MAP3K19: variants seen among roughly 807,000 people sequenced by gnomAD.
MAP3K19 encodes mitogen-activated protein kinase kinase kinase 19.
Under a neutral mutation model 114.4 loss-of-function variants are expected in MAP3K19, and 91 were observed. The ratio of observed to expected loss-of-function variants is 0.80; its 90% confidence interval spans 0.67 to 0.95. MAP3K19 has a LOEUF of 0.95. Ranked by LOEUF, MAP3K19 falls within the 40% of genes least tolerant of loss-of-function variation. The pLI, the probability that MAP3K19 is intolerant of heterozygous loss-of-function variation, is 0.00. For missense variants in MAP3K19, 1,471 were observed against 1,573.2 expected (o/e 0.94, Z 1.10); for synonymous variants, 518 against 530.5 (o/e 0.98, Z 0.32).
At chr2:134,964,966 G>T in intron 12 of MAP3K19, 50 bp from the exon 13 acceptor site, 1 of 1,328,200 alleles carries the variant, frequency 7.5e-7, no homozygotes, top group Non-Finnish European at 1.1e-6. Flanking sequence ...TAATGAGACT[G>T]CCAATGTAGA....
chr2:135,044,356 C>T lies in MAP3K19; in HGVS notation c.-424+2829G>A, dbSNP rs144522199. ...TTGTAATCCCAGCACTTTGGGAGGC[C>T]GATGTGGGTGGATCACCCGAGGTCA... On this transcript the variant is annotated intron_variant, in intron 1 of 12. Transcript: ENST00000392915. 1.0e-2 allele frequency among the ~76,000 whole-genome samples: 1,520 copies of T among 152,216 alleles called. 22 individuals carry two copies. Among genetic ancestry groups the T allele is most frequent in the African/African-American group, 0.035 (1,446 of 41,520 alleles).
chr2:135,030,235 A>T (rs181639454), intron 3 of MAP3K19, 77 bp downstream of exon 3: 1 of 152,642 alleles, frequency 6.6e-6, no homozygotes, highest in East Asian at 1.9e-4. Flanking sequence ...ATTTTTCTTT[A>T]AAAGGAGTCA....
intron 6 of MAP3K19, among the ~76,000 whole-genome samples, chr2:135,002,946 C>T (rs544369153): frequency 2.0e-5 from 3 of 152,150 alleles, no homozygotes; most frequent in Non-Finnish European, 2.9e-5. Flanking sequence ...TATGTTGAAG[C>T]CCTAACCCCC....
At chr2:135,046,558 G>A (rs1384305620) in intron 1 of MAP3K19, among the ~76,000 whole-genome samples, 1 of 152,208 alleles carries the variant, frequency 6.6e-6, no homozygotes, top group East Asian at 1.9e-4. Flanking sequence ...TTACGGGCAT[G>A]AGCCACCATG....
intron 5 of MAP3K19, among the ~76,000 whole-genome samples, chr2:135,007,942 GA>G (rs1313996879): frequency 6.6e-6 from 1 of 152,050 alleles, no homozygotes; most frequent in East Asian, 1.9e-4. Context: ...GTTAACACAG[GA>G]ATCATATTTT....
intron 8 of MAP3K19, among the ~76,000 whole-genome samples, chr2:134,996,923 C>T (rs1390213284): frequency 6.6e-6 from 1 of 152,052 alleles, no homozygotes; most frequent in African/African-American, 2.4e-5. Context: ...GTGGCATGCA[C>T]CTGTAGTCCC....
intron 11 of MAP3K19, among the ~76,000 whole-genome samples, chr2:134,982,377 G>A (rs1333541894): frequency 1.4e-5 from 2 of 140,888 alleles, no homozygotes; most frequent in Non-Finnish European, 1.6e-5. Context: ...TTGGAGACAG[G>A]GTCTCGCTCT....
chr2:134,968,754 C>T (rs1215751652), intron 12 of MAP3K19, among the ~76,000 whole-genome samples: 1 of 151,062 alleles, frequency 6.6e-6, no homozygotes, highest in Non-Finnish European at 1.5e-5. Flanking sequence ...AGACGATGGG[C>T]GGCCGGGCAG....
At position 134,991,647 on chromosome 2, in the gene MAP3K19, C is replaced by T. The variant is rs1199520222; in HGVS notation, c.575-67G>A. ...AAAGAAAACAGTCTCAAGCCAGAGT[C>T]TGGGGATGGAGTAATACAGATGCTA... On this transcript the variant is annotated intron_variant, in intron 8 of 12. Transcript: ENST00000392915. 4 of 1,332,874 alleles carry T rather than the reference C, an allele frequency of 3.0e-6. No individual in the cohort carries two copies. In the East Asian group the frequency reaches 9.2e-5, roughly 31 times the overall value. 82.6% of individuals were successfully genotyped at this position (1,332,874 alleles called of 1,614,324 possible). A position where few individuals can be genotyped will look rare whatever the true frequency, so the allele number is the denominator to read the frequency against.
rs1320789021 is a variant in MAP3K19 at position 134,997,820 on chromosome 2, A to AAATAAAAAAAAAAAAC, written c.574+917_574+918insGTTTTTTTTTTTTATT. Among the ~76,000 whole-genome samples the AAATAAAAAAAAAAAAC allele has an allele frequency of 4.0e-5, 6 of 148,418 alleles. 1 individual carries two copies. The East Asian group carries it at 9.1e-4, about 22-fold the overall frequency. ...GTGACAGAGCGAGACTCCGTCTCAA[A>AAATAAAAAAAAAAAAC]AAAAAAAAAACTTTAAGCACTGCTT... On this transcript the variant is annotated intron_variant, in intron 8 of 12. Transcript: ENST00000392915.
rs763054558 is a variant in MAP3K19, at chr2:135,021,669, T to C, written c.138+46A>G. ...TATTCAAGCAACACAAATAAAGTAG[T>C]AGATGGAGTAGGCTGTCCGTTGTTT... is the stretch of plus-strand genomic sequence containing the variant. On this transcript the variant is annotated intron_variant, in intron 5 of 12. Coordinates refer to ENST00000392915, the MANE Select transcript of MAP3K19 (RefSeq NM_025052.5). 11 of 1,010,464 alleles carry C rather than the reference T, an allele frequency of 1.1e-5. No individual in the cohort carries two copies. In the East Asian group the frequency reaches 2.2e-4, roughly 20 times the overall value. 62.6% of individuals were successfully genotyped at this position (1,010,464 alleles called of 1,614,324 possible).
intron 11 of MAP3K19, among the ~76,000 whole-genome samples, chr2:134,981,880 CTTTTTTTTTT>C (rs567597251): frequency 6.4e-5 from 8 of 124,508 alleles, no homozygotes; most frequent in African/African-American, 1.8e-4. Context: ...GATTTCTTTT[CTTTTTTTTTT>C]TTTTTTTTTT....
At chr2:135,021,871 T>C (rs1305091445) in intron 4 of MAP3K19, 41 bp from the exon 5 acceptor site, 2 of 1,249,556 alleles carry the variant, frequency 1.6e-6, no homozygotes, top group Non-Finnish European at 2.3e-6. Flanking sequence ...ATAAGATTCA[T>C]CTCCAGCAAT....
intron 3 of MAP3K19, among the ~76,000 whole-genome samples, chr2:135,028,637 T>C (rs1458703376): frequency 6.6e-6 from 1 of 152,176 alleles, no homozygotes; most frequent in Non-Finnish European, 1.5e-5. Context: ...CATATGAATG[T>C]AATTTGATGC....
Position 135,030,449 on chromosome 2 carries a change from T to C in MAP3K19, c.-232A>G, listed in dbSNP as rs1688353970. 6.6e-6 allele frequency: 1 copy of C among 152,662 alleles called. No individual in the cohort carries two copies. Among genetic ancestry groups the C allele is most frequent in the Non-Finnish European group, 1.5e-5 (1 of 68,042 alleles). The allele number at this position is 152,662 out of a possible 1,614,324, so 9.5% of individuals were successfully genotyped here. A position where few individuals can be genotyped will look rare whatever the true frequency, so the allele number is the denominator to read the frequency against. The stretch of plus-strand genomic sequence containing the variant: ...GCTACATGAATTGCGGTTCGATTGC[T>C]GTAATTGCAAAGGGTGATATCTACT... On this transcript the variant is annotated 5_prime_UTR_variant, in exon 3 of 13. Coordinates refer to ENST00000392915, the MANE Select transcript of MAP3K19 (RefSeq NM_025052.5).
chr2:135,042,482 A>G (rs1688664708), intron 1 of MAP3K19, among the ~76,000 whole-genome samples: 2 of 149,642 alleles, frequency 1.3e-5, no homozygotes, highest in African/African-American at 4.9e-5. Flanking sequence ...AGCCTGGGCG[A>G]CAGAGCGAGA....
chr2:135,040,148 C>T (rs993326642), intron 2 of MAP3K19, among the ~76,000 whole-genome samples: 32 of 152,096 alleles, frequency 2.1e-4, no homozygotes, highest in Admixed American at 6.6e-4. Context: ...CTAGTGATCA[C>T]CTTGGATATA....
chr2:135,030,438 G>A lies in MAP3K19; in HGVS notation c.-221C>T, dbSNP rs553086438. 5 of 152,522 alleles carry A rather than the reference G, an allele frequency of 3.3e-5. 1 individual carries two copies. Among genetic ancestry groups the A allele is most frequent in the East Asian group, 1.9e-4 (1 of 5,198 alleles). 9.4% of individuals were successfully genotyped at this position (152,522 alleles called of 1,614,324 possible). A position where few individuals can be genotyped will look rare whatever the true frequency, so the allele number is the denominator to read the frequency against. On this transcript the variant is annotated 5_prime_UTR_variant, in exon 3 of 13. Transcript: ENST00000392915. ...TATTGCAATTAGCTACATGAATTGCGGTTCGATTGCTGTAATTGCAAAGGG... is the reference window on the plus strand; with the variant it reads ...TATTGCAATTAGCTACATGAATTGCAGTTCGATTGCTGTAATTGCAAAGGG...
In MAP3K19 at chr2:135,016,949, A is replaced by G. The variant is rs191628317; in HGVS notation, c.138+4766T>C. Among the ~76,000 whole-genome samples, 295 of 152,226 alleles carry G rather than the reference A, an allele frequency of 1.9e-3. 1 individual carries two copies. Among genetic ancestry groups the G allele is most frequent in the African/African-American group, 6.9e-3 (286 of 41,550 alleles). ...TGCAGTGATGGGTGCTTTAAACTTG[A>G]AAACTCATATCATTTGGTTCTGATA... On this transcript the variant is annotated intron_variant, in intron 5 of 12. Transcript: ENST00000392915.
Sources: gnomAD v4.1 joint callset for allele counts (sites outside exome capture counted in the v4.1 genomes callset) on GRCh38, gnomAD v4.1.1 for gene constraint, MANE v1.5 for transcripts, NCBI Gene and HGNC (gene_info 2026-07-23, HGNC 2026-07-21) for gene names.